The following RHEX variants were observed in gnomAD, a reference collection of about 807,000 sequenced individuals.
RHEX encodes regulator of hemoglobinization and erythroid cell expansion.
A neutral mutation model predicts 20.1 loss-of-function variants in RHEX; 18 were observed. The ratio of observed to expected loss-of-function variants is 0.90; its 90% CI spans 0.62 to 1.33. The LOEUF (loss-of-function observed/expected upper bound fraction) is 1.33, where lower values mean the gene tolerates loss of function less well. Among genes scored for constraint, RHEX ranks in the 40% most tolerant of loss-of-function variants. RHEX has a pLI of 0.00. For missense variants in RHEX, 192 were observed against 214.3 expected (o/e 0.90, Z 0.65); for synonymous variants, 87 against 77.1 (o/e 1.13, Z -0.67).
chr1:206,068,636 CCA>C (rs1443326104), intron 1 of RHEX, among the ~76,000 whole-genome samples: 6 of 151,940 alleles, frequency 3.9e-5, no homozygotes, highest in Non-Finnish European at 7.4e-5. Flanking sequence ...AGGATGGGCC[CCA>C]GAGTATCTAA....
intron 1 of RHEX, among the ~76,000 whole-genome samples, chr1:206,086,075 C>T (rs1270179768): frequency 6.6e-6 from 1 of 152,176 alleles, no homozygotes; most frequent in Non-Finnish European, 1.5e-5. Flanking sequence ...CTTTCCTCAG[C>T]CTGGCGTTTT....
intron 1 of RHEX, among the ~76,000 whole-genome samples, chr1:206,058,082 A>G: frequency 6.6e-6 from 1 of 152,380 alleles, no homozygotes; most frequent in East Asian, 1.9e-4. Context: ...CAAGTAGTTG[A>G]GGATATAGTT....
chr1:206,082,267 C>T (rs567901277), intron 1 of RHEX, among the ~76,000 whole-genome samples: 199 of 152,212 alleles, frequency 1.3e-3, no homozygotes, highest in Non-Finnish European at 1.9e-3. Flanking sequence ...TCTGTAATCC[C>T]AGTACTTTGG....
At chr1:206,064,758 C>T (rs1477175764) in intron 1 of RHEX, among the ~76,000 whole-genome samples, 5 of 152,034 alleles carry the variant, frequency 3.3e-5, no homozygotes, top group Admixed American at 2.0e-4. Context: ...GCCCGGCCAC[C>T]GCCCCGTCTG....
intron 1 of RHEX, among the ~76,000 whole-genome samples, chr1:206,088,250 T>C (rs1662876531): frequency 6.6e-6 from 1 of 152,226 alleles, no homozygotes; most frequent in African/African-American, 2.4e-5. Context: ...TCCCAATACC[T>C]GGTTTTGTTA....
At chr1:206,060,113 T>G (rs189109341) in intron 1 of RHEX, among the ~76,000 whole-genome samples, 17 of 152,260 alleles carry the variant, frequency 1.1e-4, no homozygotes, top group African/African-American at 4.1e-4. Flanking sequence ...GTCAGAGAGA[T>G]GGAGGTTTAT....
chr1:206,067,710 C>G lies in RHEX; in HGVS notation c.-97+14445C>G, dbSNP rs1280931223. Among the ~76,000 whole-genome samples the G allele has an allele frequency of 6.6e-6, 1 of 152,186 alleles. No individual in the cohort carries two copies. The highest frequency in any genetic ancestry group is 6.5e-5 in the Admixed American group (1 of 15,280). ...AGCACAACCTCATTCTGCACATACC[C>G]CCTCCAGTACAACCCTAGAAAACTT... On this transcript the variant is annotated intron_variant, in intron 1 of 5. Coordinates refer to ENST00000331555, the MANE Select transcript of RHEX (RefSeq NM_001007544.4). This position sits in a 1 kb window ranked among gnomAD's most constrained non-coding sequence, Gnocchi z 4.6.
At chr1:206,088,552 G>A (rs547814999) in intron 1 of RHEX, among the ~76,000 whole-genome samples, 1 of 152,212 alleles carries the variant, frequency 6.6e-6, no homozygotes, top group South Asian at 2.1e-4. Flanking sequence ...GCACGGTGCT[G>A]CACACCTGTA....
chr1:206,098,828 C>T (rs1663129086), intron 3 of RHEX, among the ~76,000 whole-genome samples: 1 of 152,126 alleles, frequency 6.6e-6, no homozygotes, highest in South Asian at 2.1e-4. Flanking sequence ...CAACAGGGAA[C>T]AAAACAAAAA....
intron 1 of RHEX, among the ~76,000 whole-genome samples, chr1:206,087,798 CGTATT>C (rs529953790): frequency 1.1e-3 from 166 of 152,276 alleles, no homozygotes; most frequent in Middle Eastern, 3.4e-3. Context: ...TTAATAACAA[CGTATT>C]GTATTCTTGA....
chr1:206,101,078 C>T (rs1435599065), intron 4 of RHEX, 58 bp from the exon 5 acceptor site: 5 of 1,369,536 alleles, frequency 3.7e-6, no homozygotes, highest in Admixed American at 1.9e-5. Context: ...TTGTCTCTAT[C>T]CTCTCTTAAC....
intron 1 of RHEX, among the ~76,000 whole-genome samples, chr1:206,073,376 G>A (rs965029578): frequency 6.6e-6 from 1 of 152,156 alleles, no homozygotes; most frequent in Non-Finnish European, 1.5e-5. Context: ...TGATGATGAT[G>A]ATAAACACTT....
intron 1 of RHEX, among the ~76,000 whole-genome samples, chr1:206,063,897 G>A (rs1346211173): frequency 6.6e-6 from 1 of 150,922 alleles, no homozygotes; most frequent in Non-Finnish European, 1.5e-5. Context: ...TGCCCAGTCT[G>A]GAAAGTGAGG....
At chr1:206,090,809 A>T (rs1662935809) in intron 1 of RHEX, among the ~76,000 whole-genome samples, 1 of 151,944 alleles carries the variant, frequency 6.6e-6, no homozygotes, top group Non-Finnish European at 1.5e-5. Flanking sequence ...GCTAAATCTC[A>T]TGGTATTTTT....
At chr1:206,069,624 C>T (rs1268440610) in intron 1 of RHEX, among the ~76,000 whole-genome samples, 1 of 152,218 alleles carries the variant, frequency 6.6e-6, no homozygotes, top group Admixed American at 6.5e-5. Flanking sequence ...GTCACCCTAG[C>T]AGCTGAGGGA....
rs566057848 is a variant in RHEX at position 206,100,767 on chromosome 1, G to C, written c.257-369G>C. The stretch of plus-strand genomic sequence containing the variant: ...CTGAGGCCAGAGCTGTTTGCATTGG[G>C]TCACATTGTCCCAGCATGTTCCTCC... On this transcript the variant is annotated intron_variant, in intron 4 of 5. Coordinates refer to ENST00000331555, the MANE Select transcript of RHEX (RefSeq NM_001007544.4). 4.7e-4 allele frequency among the ~76,000 whole-genome samples: 71 copies of C among 152,340 alleles called. 1 individual carries two copies. In the South Asian group the frequency reaches 0.014, roughly 30 times the overall value.
rs139304664 is a variant in RHEX at position 206,058,289 on chromosome 1, C to T, written c.-97+5024C>T. Among the ~76,000 whole-genome samples, 22 of 152,114 alleles carry T rather than the reference C, an allele frequency of 1.4e-4. No homozygotes were observed. In the East Asian group the frequency reaches 3.7e-3, roughly 26 times the overall value. The stretch of plus-strand genomic sequence containing the variant: ...CTCCAAATGATAAAAAACTTCGTCG[C>T]TTAACCTTAGTTCACCAAAATGCTT... On this transcript the variant is annotated intron_variant, in intron 1 of 5. Coordinates refer to ENST00000331555, the MANE Select transcript of RHEX (RefSeq NM_001007544.4).
chr1:206,086,028 C>T (rs535195142), intron 1 of RHEX, among the ~76,000 whole-genome samples: 14 of 152,290 alleles, frequency 9.2e-5, no homozygotes, highest in African/African-American at 3.4e-4. Context: ...CCTCTGTTGT[C>T]CTTTTCCCCA....
intron 3 of RHEX, chr1:206,098,478 G>C (rs570900425): frequency 2.7e-5 from 9 of 337,060 alleles, no homozygotes; most frequent in African/African-American, 4.1e-5. Flanking sequence ...GGAAGTGCTC[G>C]TGTAACCTGG....
Sources: allele counts gnomAD v4.1 joint callset (sites outside exome capture counted in the v4.1 genomes callset), GRCh38; gene constraint gnomAD v4.1.1; non-coding constraint Gnocchi (gnomAD v3.1); transcripts MANE v1.5; gene names NCBI Gene and HGNC (gene_info 2026-07-23, HGNC 2026-07-21).